The following SYN3 variants were observed in gnomAD, a reference collection of about 807,000 sequenced individuals.
SYN3 encodes the protein synapsin III.
Under a neutral mutation model 65.8 loss-of-function variants are expected in SYN3, and 35 were observed. The ratio of observed to expected loss-of-function variants is 0.53; its 90% confidence interval spans 0.41 to 0.70. The LOEUF is 0.70. SYN3 is among the 30% of genes least tolerant of loss of function. The probability of loss-of-function intolerance (pLI) is 0.00; values close to 1 mark genes in which losing one functional copy is unlikely to be tolerated. For synonymous variants in SYN3, 270 were observed against 292.9 expected, an observed-to-expected ratio of 0.92 and a Z score of 0.80; for missense variants, 680 against 749.0, an observed-to-expected ratio of 0.91 and a Z score of 1.08.
intron 12 of SYN3, among the ~76,000 whole-genome samples, chr22:32,526,262 T>A (rs1255537944): frequency 6.6e-6 from 1 of 152,206 alleles, no homozygotes; most frequent in Non-Finnish European, 1.5e-5. Flanking sequence ...CTGAGGTATG[T>A]CTGTACACAG....
chr22:32,532,805 C>T (rs1453309723), intron 10 of SYN3, among the ~76,000 whole-genome samples: 4 of 152,176 alleles, frequency 2.6e-5, no homozygotes, highest in East Asian at 1.9e-4. Context: ...GGGGAGGGGA[C>T]GGCCGCAGGG....
At chr22:32,941,894 C>T (rs1021398762) in intron 3 of SYN3, among the ~76,000 whole-genome samples, 4 of 152,208 alleles carry the variant, frequency 2.6e-5, no homozygotes, top group African/African-American at 9.6e-5. Flanking sequence ...AGCAGTGAGG[C>T]TGGGGGAGGG....
chr22:32,747,573 GGAAAGT>G (rs1285737759), intron 6 of SYN3, among the ~76,000 whole-genome samples: 1 of 152,148 alleles, frequency 6.6e-6, no homozygotes, highest in East Asian at 1.9e-4. Context: ...TTACAGATGA[GGAAAGT>G]GAGGCTCAGA....
intron 6 of SYN3, among the ~76,000 whole-genome samples, chr22:32,724,452 C>A (rs1260109496): frequency 6.6e-6 from 1 of 152,146 alleles, no homozygotes; most frequent in African/African-American, 2.4e-5. Context: ...GCTGAGTGAT[C>A]TTAGGCAAGT....
At chr22:32,714,215 CATG>C (rs757358651) in intron 6 of SYN3, among the ~76,000 whole-genome samples, 8 of 152,202 alleles carry the variant, frequency 5.3e-5, no homozygotes, top group East Asian at 1.9e-4. Flanking sequence ...GAAGGCCCCT[CATG>C]CTAAGTGGAA....
At chr22:32,710,632 C>CAAAAAAAAAAAAAAAAAAAAAAA (rs57427060) in intron 6 of SYN3, among the ~76,000 whole-genome samples, 4 of 74,962 alleles carry the variant, frequency 5.3e-5, no homozygotes, top group Non-Finnish European at 4.9e-5. Flanking sequence ...GACTCTGTCT[C>CAAAAAAAAAAAAAAAAAAAAAAA]AAAAAAAAAA....
chr22:32,979,977 G>A (rs1373416549), intron 3 of SYN3, among the ~76,000 whole-genome samples: 1 of 152,104 alleles, frequency 6.6e-6, no homozygotes, highest in Non-Finnish European at 1.5e-5. Flanking sequence ...GGAACGAACA[G>A]GAGAAAGCTT....
At chr22:32,569,559 C>CTGTA (rs1289552626) in intron 7 of SYN3, among the ~76,000 whole-genome samples, 1 of 51,202 alleles carries the variant, frequency 2.0e-5, no homozygotes, top group African/African-American at 5.6e-5. Context: ...CTCTCTCTCT[C>CTGTA]TCTCTCTCTC....
chr22:32,842,405 A>T (rs988437042), intron 6 of SYN3, among the ~76,000 whole-genome samples: 2 of 152,090 alleles, frequency 1.3e-5, no homozygotes, highest in Non-Finnish European at 2.9e-5. Context: ...GACATCATCA[A>T]AGCATCCCCA....
At chr22:32,843,469 G>C (rs1354266639) in intron 6 of SYN3, among the ~76,000 whole-genome samples, 1 of 152,152 alleles carries the variant, frequency 6.6e-6, no homozygotes, top group African/African-American at 2.4e-5. Flanking sequence ...GCTCCAGGCC[G>C]ACCTCCCTGT....
At chr22:32,681,064 T>C (rs2060515809) in intron 6 of SYN3, among the ~76,000 whole-genome samples, 1 of 152,200 alleles carries the variant, frequency 6.6e-6, no homozygotes, top group Non-Finnish European at 1.5e-5. Context: ...AGGTGGGAGC[T>C]TGCCTGGCAG....
intron 6 of SYN3, among the ~76,000 whole-genome samples, chr22:32,676,519 CT>C (rs2060444126): frequency 1.5e-5 from 2 of 129,498 alleles, no homozygotes; most frequent in Admixed American, 8.3e-5. Context: ...TCTTTCTTTT[CT>C]TTTCTTTCTT....
intron 7 of SYN3, among the ~76,000 whole-genome samples, chr22:32,563,247 C>G (rs1341790906): frequency 6.6e-6 from 1 of 152,198 alleles, no homozygotes; most frequent in African/African-American, 2.4e-5. Flanking sequence ...GTGCTCAATA[C>G]ATTCATCATG....
chr22:33,008,835 G>C (rs965752428), intron 1 of SYN3, among the ~76,000 whole-genome samples: 2 of 148,808 alleles, frequency 1.3e-5, no homozygotes, highest in Non-Finnish European at 3.0e-5. Flanking sequence ...TGAGGCACGA[G>C]AATCGCTTGA....
chr22:32,975,289 C>G (rs959760566), intron 3 of SYN3, among the ~76,000 whole-genome samples: 1 of 151,444 alleles, frequency 6.6e-6, no homozygotes, highest in Non-Finnish European at 1.5e-5. Flanking sequence ...GCACGAGAAT[C>G]ACTTGAACCC....
intron 3 of SYN3, among the ~76,000 whole-genome samples, chr22:32,946,859 G>C (rs1385068388): frequency 6.6e-6 from 1 of 152,106 alleles, no homozygotes; most frequent in Non-Finnish European, 1.5e-5. Context: ...AGGACAAATA[G>C]GTTTTAATTC....
rs138036485 is a variant in SYN3, at chr22:32,976,886, G to A, written c.369+3759C>T. Among the ~76,000 whole-genome samples the A allele has an allele frequency of 3.6e-3, 555 of 152,266 alleles. 3 individuals are homozygous for A. Among genetic ancestry groups the A allele is most frequent in the African/African-American group, 0.013 (530 of 41,538 alleles). On this transcript the variant is annotated intron_variant, in intron 3 of 13. Transcript: ENST00000358763. ...GACAGTGCAATTATCTGGTTAATTT[G>A]GCCCTTGGTTGGGAGACAGGATCCC...
chr22:32,837,830 G>C lies in SYN3; in HGVS notation c.711+27085C>G, dbSNP rs2047778238. On this transcript the variant is annotated intron_variant, in intron 6 of 13. Coordinates refer to ENST00000358763, the MANE Select transcript of SYN3 (RefSeq NM_003490.4). This position sits in a 1 kb window ranked among gnomAD's most constrained non-coding sequence, Gnocchi z 4.1. ...CAAGACCCAACCTACCAAGCTGGGA[G>C]TTACCGCCCACTGCAAGGCACCCCT... is the stretch of plus-strand genomic sequence containing the variant. Among the ~76,000 whole-genome samples, 1 of 152,210 alleles carries C rather than the reference G, an allele frequency of 6.6e-6. No individual in the cohort carries two copies. Among genetic ancestry groups the C allele is most frequent in the Non-Finnish European group, 1.5e-5 (1 of 68,044 alleles).
intron 4 of SYN3, among the ~76,000 whole-genome samples, chr22:32,928,132 C>A (rs949974621): frequency 1.3e-5 from 2 of 152,126 alleles, no homozygotes; most frequent in Non-Finnish European, 2.9e-5. Flanking sequence ...AGATGGAGAA[C>A]ATCCTGGCTA....
Sources: gnomAD v4.1 joint callset for allele counts (sites outside exome capture counted in the v4.1 genomes callset) on GRCh38, gnomAD v4.1.1 for gene constraint, Gnocchi (gnomAD v3.1) non-coding constraint, MANE v1.5 for transcripts, NCBI Gene and HGNC (gene_info 2026-07-23, HGNC 2026-07-21) for gene names.